Variants in WWOX observed in about 807,000 individuals in gnomAD.
WWOX encodes the protein WW domain containing oxidoreductase, also known as WW domain-containing oxidoreductase.
In WWOX, 69 loss-of-function variants were observed where a neutral mutation model predicts 46.2. That is an observed-to-expected ratio of 1.49 (90% CI 1.23 to 1.82). The LOEUF (loss-of-function observed/expected upper bound fraction) is 1.82, where lower values mean the gene tolerates loss of function less well. Among genes scored for constraint, WWOX ranks in the 40% most tolerant of loss-of-function variants. WWOX has a pLI of 0.00. For synonymous variants in WWOX, 359 were observed against 202.6 expected (o/e 1.77, Z -6.56); for missense variants, 919 against 542.6 (o/e 1.69, Z -6.89).
rs141215561 is a variant in WWOX at position 78,872,583 on chromosome 16, AC to A, written c.1057-339023del. Among the ~76,000 whole-genome samples, 715 of 152,174 alleles carry A rather than the reference AC, an allele frequency of 4.7e-3. 6 individuals are homozygous for A. Among genetic ancestry groups the A allele is most frequent in the African/African-American group, 0.016 (670 of 41,514 alleles). ...TGTTTTAAAAATAATTAACTAAAAT[AC>A]CTTAGGGCACATGGTAGGAATTCAG... On this transcript the variant is annotated intron_variant, in intron 8 of 8. Coordinates refer to ENST00000566780, the MANE Select transcript of WWOX (RefSeq NM_016373.4).
chr16:78,729,910 T>G (rs1224053216), intron 8 of WWOX, among the ~76,000 whole-genome samples: 1 of 152,136 alleles, frequency 6.6e-6, no homozygotes, highest in Non-Finnish European at 1.5e-5. Flanking sequence ...AACAAGACTA[T>G]GAATGTAAAC....
intron 8 of WWOX, among the ~76,000 whole-genome samples, chr16:78,854,978 C>T (rs1206312334): frequency 6.8e-6 from 1 of 148,016 alleles, no homozygotes. Context: ...GTAATGGCTT[C>T]TCAAATTTAC....
intron 8 of WWOX, among the ~76,000 whole-genome samples, chr16:79,060,796 G>C (rs2048344872): frequency 6.6e-6 from 1 of 152,184 alleles, no homozygotes. Context: ...AGGTGCCTTT[G>C]GAGAGTTAGG....
intron 6 of WWOX, among the ~76,000 whole-genome samples, chr16:78,393,167 C>T (rs1450165841): frequency 6.6e-6 from 1 of 152,148 alleles, no homozygotes; most frequent in Non-Finnish European, 1.5e-5. Context: ...AGCTGGGACC[C>T]TTTCTAATCA....
At chr16:78,805,743 A>G (rs1353035131) in intron 8 of WWOX, among the ~76,000 whole-genome samples, 2 of 151,748 alleles carry the variant, frequency 1.3e-5, no homozygotes, top group African/African-American at 4.8e-5. Flanking sequence ...ACTTCCTTTA[A>G]CTCTTTATAC....
At chr16:78,124,585 T>C (rs1242115006) in intron 4 of WWOX, among the ~76,000 whole-genome samples, 1 of 152,218 alleles carries the variant, frequency 6.6e-6, no homozygotes, top group African/African-American at 2.4e-5. Context: ...CGCTTTTAGT[T>C]TCTTGCCTAA....
intron 5 of WWOX, among the ~76,000 whole-genome samples, chr16:78,330,043 T>G (rs1250505792): frequency 6.6e-6 from 1 of 152,208 alleles, no homozygotes; most frequent in Admixed American, 6.5e-5. Context: ...CATGAGTCAC[T>G]GCCTGGTGCT....
intron 4 of WWOX, among the ~76,000 whole-genome samples, chr16:78,120,512 G>A (rs1435161674): frequency 1.3e-5 from 2 of 151,722 alleles, no homozygotes; most frequent in Non-Finnish European, 1.5e-5. Context: ...GGAGCTTGCA[G>A]TGAGCTGAGA....
chr16:78,497,853 G>T (rs1452997967), intron 8 of WWOX, among the ~76,000 whole-genome samples: 1 of 65,200 alleles, frequency 1.5e-5, no homozygotes, highest in Non-Finnish European at 5.0e-5. Context: ...GAGTTACTGA[G>T]AATTATAAAA....
chr16:79,117,047 A>AT (rs138859793), intron 8 of WWOX, among the ~76,000 whole-genome samples: 51,233 of 151,434 alleles, frequency 0.34, 8,927 homozygotes, highest in East Asian at 0.53. Flanking sequence ...GAATATTTTT[A>AT]TTTTTTTTAT....
At chr16:78,492,530 C>T (rs8055841) in intron 8 of WWOX, among the ~76,000 whole-genome samples, 17,553 of 152,154 alleles carry the variant, frequency 0.12, 1,238 homozygotes, top group African/African-American at 0.2. Context: ...ACCATAACAG[C>T]GAGCAGGAGA....
At chr16:78,800,738 C>T (rs772283376) in intron 8 of WWOX, among the ~76,000 whole-genome samples, 1 of 152,138 alleles carries the variant, frequency 6.6e-6, no homozygotes, top group African/African-American at 2.4e-5. Context: ...TCTAAAATCC[C>T]AAATGCATTC....
intron 8 of WWOX, among the ~76,000 whole-genome samples, chr16:78,534,772 C>A (rs1202036688): frequency 6.6e-6 from 1 of 151,840 alleles, no homozygotes; most frequent in Non-Finnish European, 1.5e-5. Context: ...TGCAGTGGCA[C>A]AATCTCAGCT....
chr16:78,551,469 A>G (rs995555241), intron 8 of WWOX: 4 of 152,188 alleles, frequency 2.6e-5, no homozygotes, highest in African/African-American at 9.7e-5. Flanking sequence ...CCATCCTACA[A>G]TTCAAGTGTT....
intron 8 of WWOX, among the ~76,000 whole-genome samples, chr16:78,759,943 T>A (rs2049750043): frequency 6.6e-6 from 1 of 152,174 alleles, no homozygotes; most frequent in Admixed American, 6.5e-5. Flanking sequence ...TATCCCTTCT[T>A]TTTTCTGTGA....
At chr16:78,945,894 CCCTTGTGA>C (rs1459659825) in intron 8 of WWOX, among the ~76,000 whole-genome samples, 2 of 152,220 alleles carry the variant, frequency 1.3e-5, no homozygotes, top group East Asian at 3.9e-4. Flanking sequence ...CCTTTAACTG[CCCTTGTGA>C]CCTTGAACAT....
chr16:78,548,950 T>C (rs185144897), intron 8 of WWOX, among the ~76,000 whole-genome samples: 1,535 of 152,312 alleles, frequency 0.01, 24 homozygotes, highest in Middle Eastern at 0.041. Context: ...CCCCCAAATA[T>C]AGCCCCAAAC....
chr16:78,191,491 C>A (rs1435046859), intron 5 of WWOX, among the ~76,000 whole-genome samples: 4 of 152,162 alleles, frequency 2.6e-5, no homozygotes, highest in Admixed American at 2.6e-4. Flanking sequence ...ATGGTCCCAA[C>A]GTTTTAGGAA....
At chr16:78,464,891 G>T (rs1567588937) in intron 8 of WWOX, among the ~76,000 whole-genome samples, 1 of 152,188 alleles carries the variant, frequency 6.6e-6, no homozygotes, top group African/African-American at 2.4e-5. Context: ...AAATACCCGA[G>T]ACTGGGTAAT....
Sources: gnomAD v4.1 joint callset for allele counts (sites outside exome capture counted in the v4.1 genomes callset) on GRCh38, gnomAD v4.1.1 for gene constraint, MANE v1.5 for transcripts, NCBI Gene and HGNC (gene_info 2026-07-23, HGNC 2026-07-21) for gene names.